Variants in CATSPERB observed in about 807,000 individuals in gnomAD.
CATSPERB encodes catsper channel auxiliary subunit beta, also known as cation channel sperm-associated auxiliary subunit beta.
In CATSPERB, 93 loss-of-function variants were observed where a neutral mutation model predicts 128.3. The ratio of observed to expected loss-of-function variants is 0.72; its 90% CI spans 0.61 to 0.86. The LOEUF is 0.86. CATSPERB is among the 40% of genes least tolerant of loss of function. The pLI, the probability that CATSPERB is intolerant of heterozygous loss-of-function variation, is 0.00. For synonymous variants in CATSPERB, 381 were observed against 448.8 expected, an observed-to-expected ratio of 0.85 and a Z score of 1.91; for missense variants, 1,153 against 1,329.5, an observed-to-expected ratio of 0.87 and a Z score of 2.06.
At chr14:91,660,114 T>A (rs74085122) in intron 14 of CATSPERB, 133 bp from the exon 15 acceptor site, 577 of 352,086 alleles carry the variant, frequency 1.6e-3, no homozygotes, top group South Asian at 3.5e-3. Context: ...TCTCTCTCTC[T>A]CTCACACACA....
At chr14:91,708,821 C>T (rs7160966) in intron 5 of CATSPERB, among the ~76,000 whole-genome samples, 97,390 of 152,130 alleles carry the variant, frequency 0.64, 31,457 homozygotes, top group Non-Finnish European at 0.66. Context: ...TTTGACAGAT[C>T]AGGTGTAAAA....
chr14:91,655,006 T>C (rs1894764097), intron 15 of CATSPERB, among the ~76,000 whole-genome samples: 1 of 151,576 alleles, frequency 6.6e-6, no homozygotes, highest in Non-Finnish European at 1.5e-5. Flanking sequence ...ATACAGTCTC[T>C]TCCTGTAATA....
At chr14:91,636,270 A>G in intron 17 of CATSPERB, 155 bp downstream of exon 17, 1 of 647,868 alleles carries the variant, frequency 1.5e-6, no homozygotes, top group Non-Finnish European at 2.6e-6. Flanking sequence ...GGCTGGGGCC[A>G]GAGCATTGCT....
At chr14:91,657,633 T>C (rs1012309687) in intron 15 of CATSPERB, among the ~76,000 whole-genome samples, 1 of 152,070 alleles carries the variant, frequency 6.6e-6, no homozygotes, top group South Asian at 2.1e-4. Context: ...GACAAGGAAT[T>C]AATAACTAGA....
At chr14:91,622,893 C>CTTTTTTT (rs11432858) in intron 18 of CATSPERB, among the ~76,000 whole-genome samples, 3 of 127,800 alleles carry the variant, frequency 2.3e-5, no homozygotes, top group Non-Finnish European at 3.2e-5. Context: ...TTCTCAATGA[C>CTTTTTTT]TTTTTTTTTT....
chr14:91,697,359 T>C (rs532504785), intron 7 of CATSPERB, among the ~76,000 whole-genome samples: 4 of 152,202 alleles, frequency 2.6e-5, no homozygotes, highest in Non-Finnish European at 5.9e-5. Context: ...AAAAAAGTGA[T>C]AGTGAAAATG....
At chr14:91,633,931 A>G (rs915458660) in intron 17 of CATSPERB, among the ~76,000 whole-genome samples, 1 of 152,072 alleles carries the variant, frequency 6.6e-6, no homozygotes, top group Non-Finnish European at 1.5e-5. Flanking sequence ...CCTAGACACT[A>G]TAACAGGAAA....
chr14:91,630,828 C>T (rs1427414804), intron 17 of CATSPERB, among the ~76,000 whole-genome samples: 1 of 152,204 alleles, frequency 6.6e-6, no homozygotes, highest in Non-Finnish European at 1.5e-5. Flanking sequence ...TTTCTGCTGA[C>T]ACCAAGAAGA....
intron 22 of CATSPERB, among the ~76,000 whole-genome samples, chr14:91,606,564 A>G (rs1404167119): frequency 2.6e-5 from 4 of 152,234 alleles, no homozygotes. Context: ...CTCCGTCTCA[A>G]AACTAAACAA....
At chr14:91,714,555 CTTTTTTT>C (rs56965295) in intron 5 of CATSPERB, among the ~76,000 whole-genome samples, 16 of 88,022 alleles carry the variant, frequency 1.8e-4, no homozygotes, top group African/African-American at 6.0e-4. Context: ...CCATAAACTA[CTTTTTTT>C]TTTTTTTTTT....
chr14:91,630,274 T>C (rs1008524988), intron 17 of CATSPERB, among the ~76,000 whole-genome samples: 2 of 152,190 alleles, frequency 1.3e-5, no homozygotes, highest in African/African-American at 4.8e-5. Flanking sequence ...GCCTTCTTCT[T>C]AGCCCAGGCT....
chr14:91,693,388 T>C lies in CATSPERB; in HGVS notation c.708A>G (p.Gln236=), dbSNP rs1337912220. The C allele has an allele frequency of 9.3e-6, 15 of 1,612,364 alleles. No individual in the cohort carries two copies. The highest frequency in any genetic ancestry group is 1.1e-5 in the Non-Finnish European group (13 of 1,178,696). ...NMTQTIYSQL[Q]EEYEDLSLVD... ...AGGCAATGTTAGAGGAGTTACCTTC[T>C]TGAAGTTGGGAATAGATAGTCTGTG... The change falls in exon 8 of 27, where the codon CAA becomes CAG. Residue 236 remains glutamine (Q), a synonymous_variant. Transcript: ENST00000256343.
chr14:91,644,032 C>A (rs1404451155), intron 15 of CATSPERB, among the ~76,000 whole-genome samples: 1 of 138,794 alleles, frequency 7.2e-6, no homozygotes, highest in Non-Finnish European at 1.6e-5. Context: ...AGGATTGCAA[C>A]CCTTGCCTTT....
At chr14:91,676,234 C>G (rs1252313499) in intron 11 of CATSPERB, among the ~76,000 whole-genome samples, 4 of 151,904 alleles carry the variant, frequency 2.6e-5, no homozygotes, top group Non-Finnish European at 1.5e-5. Flanking sequence ...TGAATGGTAC[C>G]ATCAACACTG....
In CATSPERB at chr14:91,659,825, C is replaced by T; in HGVS notation, c.1432+12G>A. The T allele has an allele frequency of 6.3e-7, 1 of 1,599,910 alleles. No homozygotes were observed. The highest frequency in any genetic ancestry group is 8.5e-7 in the Non-Finnish European group (1 of 1,176,890). ...CATGTAATGCTTACACCAGTGAAAG[C>T]AAATTTCTTACCTGCCTTTGTCGAG... On this transcript the variant is annotated intron_variant, in intron 15 of 26. Transcript: ENST00000256343.
At position 91,589,669 on chromosome 14, in the gene CATSPERB, C is replaced by T; in HGVS notation, c.2821G>A (p.Val941Ile). 6.2e-7 allele frequency: 1 copy of T among 1,610,938 alleles called. No individual in the cohort carries two copies. Among genetic ancestry groups the T allele is most frequent in the Non-Finnish European group, 8.5e-7 (1 of 1,178,568 alleles). ...AVAFSDCREK[V>I]PRFKFPITQY... ...GTAATTGGAAACTTAAAGCGAGGAA[C>T]CTAAAATACAAATTCCAAGAATGAA... Residue 941 changes from valine (V) to isoleucine (I), a missense_variant and splice_region_variant, in exon 24 of 27, where the codon GTT becomes ATT. Physicochemically the swap from Val to Ile is conservative, Grantham distance 29 (BLOSUM62 3). Coordinates refer to ENST00000256343, the MANE Select transcript of CATSPERB (RefSeq NM_024764.4).
intron 2 of CATSPERB, among the ~76,000 whole-genome samples, chr14:91,727,094 C>A (rs1333652210): frequency 6.6e-6 from 1 of 152,140 alleles, no homozygotes; most frequent in African/African-American, 2.4e-5. Flanking sequence ...ACAACAATTA[C>A]AATGCAAAAG....
chr14:91,629,880 A>G (rs1472351520), intron 17 of CATSPERB, among the ~76,000 whole-genome samples: 1 of 152,140 alleles, frequency 6.6e-6, no homozygotes, highest in Non-Finnish European at 1.5e-5. Context: ...GATTTGTGCA[A>G]TGGAGAATGA....
intron 26 of CATSPERB, among the ~76,000 whole-genome samples, chr14:91,583,610 AC>A (rs570029749): frequency 4.9e-4 from 75 of 152,280 alleles, no homozygotes; most frequent in African/African-American, 1.7e-3. Flanking sequence ...TTTCTAAAAA[AC>A]GTTAGACCTC....
Sources: allele counts gnomAD v4.1 joint callset (sites outside exome capture counted in the v4.1 genomes callset), GRCh38; gene constraint gnomAD v4.1.1; transcripts MANE v1.5; gene names NCBI Gene and HGNC (gene_info 2026-07-23, HGNC 2026-07-21).